Variants in MTUS1 observed in about 807,000 individuals in gnomAD.
MTUS1 encodes the protein microtubule-associated tumor suppressor 1.
Under a neutral mutation model 120.8 loss-of-function variants are expected in MTUS1, and 109 were observed. The ratio of observed to expected loss-of-function variants is 0.90; its 90% confidence interval spans 0.77 to 1.06. MTUS1 has a LOEUF of 1.06. Ranked by LOEUF, MTUS1 falls within the 50% of genes least tolerant of loss-of-function variation. The pLI is 0.00. For missense variants in MTUS1, 2,210 were observed against 1,486.3 expected (o/e 1.49, Z -8.01); for synonymous variants, 737 against 550.5 (o/e 1.34, Z -4.74).
chr8:17,762,084 A>G (rs915163834), intron 1 of MTUS1, among the ~76,000 whole-genome samples: 1 of 152,188 alleles, frequency 6.6e-6, no homozygotes, highest in Non-Finnish European at 1.5e-5. Flanking sequence ...GTTTGAGACC[A>G]GCCTAGCCAA....
At chr8:17,696,672 AT>A (rs1313781806) in intron 6 of MTUS1, among the ~76,000 whole-genome samples, 16 of 152,214 alleles carry the variant, frequency 1.1e-4, no homozygotes, top group African/African-American at 3.6e-4. Context: ...AGATACAAAC[AT>A]AAACCTCAGG....
chr8:17,684,025 A>T (rs561328144), intron 7 of MTUS1, among the ~76,000 whole-genome samples: 2 of 152,334 alleles, frequency 1.3e-5, no homozygotes, highest in South Asian at 4.1e-4. Flanking sequence ...AAGTGAAAAA[A>T]ATGCTAATGC....
chr8:17,756,676 C>G (rs1459235550), intron 1 of MTUS1, among the ~76,000 whole-genome samples: 2 of 62,432 alleles, frequency 3.2e-5, no homozygotes, highest in Non-Finnish European at 8.5e-5. Flanking sequence ...CCCAAACCCC[C>G]ACCCCTTATG....
chr8:17,671,677 G>C (rs1023129087), intron 8 of MTUS1, among the ~76,000 whole-genome samples: 7 of 152,230 alleles, frequency 4.6e-5, no homozygotes, highest in African/African-American at 1.7e-4. Context: ...CTGGGTTTCA[G>C]TGCTCCTGAG....
chr8:17,723,038 T>G (rs1267775661), intron 4 of MTUS1, among the ~76,000 whole-genome samples: 2 of 152,236 alleles, frequency 1.3e-5, no homozygotes, highest in Admixed American at 1.3e-4. Context: ...TGCTCCTCAC[T>G]GCGCCTATCA....
chr8:17,730,485 TAAAAAAAAA>T (rs56305317), intron 3 of MTUS1, among the ~76,000 whole-genome samples: 1 of 122,818 alleles, frequency 8.1e-6, no homozygotes, highest in African/African-American at 3.1e-5. Flanking sequence ...ACTCTGTCTT[TAAAAAAAAA>T]AAAAAAAAAA....
intron 3 of MTUS1, among the ~76,000 whole-genome samples, chr8:17,731,405 G>C (rs1010593146): frequency 1.3e-5 from 2 of 152,106 alleles, no homozygotes; most frequent in South Asian, 2.1e-4. Context: ...AGAATTAAAT[G>C]AATTTATAAT....
intron 6 of MTUS1, among the ~76,000 whole-genome samples, chr8:17,685,807 CTG>C (rs1483372776): frequency 6.6e-6 from 1 of 152,198 alleles, no homozygotes; most frequent in Non-Finnish European, 1.5e-5. Flanking sequence ...CATTGTCCCA[CTG>C]TGTCTCTGTA....
intron 10 of MTUS1, chr8:17,653,919 C>T (rs1363945320): frequency 6.2e-6 from 1 of 160,644 alleles, no homozygotes. Context: ...ACAATGTTCA[C>T]TACAAGTCTG....
chr8:17,786,034 G>A (rs1367731807), intron 1 of MTUS1, among the ~76,000 whole-genome samples: 1 of 152,170 alleles, frequency 6.6e-6, no homozygotes, highest in Admixed American at 6.5e-5. Flanking sequence ...CAGCTACTCA[G>A]GAGGCTGACA....
chr8:17,669,295 C>T (rs1177322184), intron 8 of MTUS1, among the ~76,000 whole-genome samples: 1 of 152,090 alleles, frequency 6.6e-6, no homozygotes, highest in Non-Finnish European at 1.5e-5. Context: ...CATGAGGGGT[C>T]CGCGACGGGA....
At chr8:17,776,127 T>C (rs75995881) in intron 1 of MTUS1, among the ~76,000 whole-genome samples, 2 of 152,092 alleles carry the variant, frequency 1.3e-5, no homozygotes, top group Admixed American at 6.5e-5. Context: ...CAACTGCAGA[T>C]TGAACATAGT....
intron 8 of MTUS1, among the ~76,000 whole-genome samples, chr8:17,660,141 G>A (rs1047028582): frequency 1.3e-5 from 2 of 152,182 alleles, no homozygotes; most frequent in Non-Finnish European, 2.9e-5. Context: ...GGGAGGCCAA[G>A]GCAAGCAGAT....
chr8:17,764,989 T>G (rs1193030107), intron 1 of MTUS1, among the ~76,000 whole-genome samples: 1 of 152,186 alleles, frequency 6.6e-6, no homozygotes, highest in African/African-American at 2.4e-5. Flanking sequence ...CATCATAACG[T>G]AGAATCAGTG....
chr8:17,739,586 G>A (rs2047168244), intron 3 of MTUS1, among the ~76,000 whole-genome samples: 3 of 152,170 alleles, frequency 2.0e-5, no homozygotes, highest in African/African-American at 7.2e-5. Context: ...TTGGTTAACA[G>A]CATCACTGGC....
At position 17,686,664 on chromosome 8, in the gene MTUS1, A is replaced by G. The variant is rs1264569585; in HGVS notation, c.2624-2122T>C. Among the ~76,000 whole-genome samples the G allele has an allele frequency of 3.3e-5, 5 of 152,234 alleles. No homozygotes were observed. The East Asian group carries it at 9.6e-4, about 29-fold the overall frequency. ...TTCAGAGCTTTAAAACTGTTGGTTT[A>G]TAATTATTTACAAAATCTGAGAGGT... On this transcript the variant is annotated intron_variant, in intron 6 of 14. Coordinates refer to ENST00000693296, the MANE Select transcript of MTUS1 (RefSeq NM_001363059.2).
chr8:17,680,942 T>TAA (rs1814343168), intron 7 of MTUS1, among the ~76,000 whole-genome samples: 5 of 133,190 alleles, frequency 3.8e-5, no homozygotes, highest in Admixed American at 2.5e-4. Context: ...GCTTTTTTTC[T>TAA]TTTTTTTTTA....
At chr8:17,715,681 A>C in intron 5 of MTUS1, 86 bp downstream of exon 5, 3 of 1,327,014 alleles carry the variant, frequency 2.3e-6, no homozygotes, top group Non-Finnish European at 3.1e-6. Flanking sequence ...CTATACCATA[A>C]ACCTAATTGT....
At chr8:17,668,199 G>A (rs189089712) in intron 8 of MTUS1, among the ~76,000 whole-genome samples, 4,160 of 152,284 alleles carry the variant, frequency 0.027, 152 homozygotes, top group South Asian at 0.15. Context: ...AACTTTCTTA[G>A]AACATTATGA....
Sources: gnomAD v4.1 joint callset for allele counts (sites outside exome capture counted in the v4.1 genomes callset) on GRCh38, gnomAD v4.1.1 for gene constraint, MANE v1.5 for transcripts, NCBI Gene and HGNC (gene_info 2026-07-23, HGNC 2026-07-21) for gene names.